Variants in SLC23A2 observed in about 807,000 individuals in gnomAD.
SLC23A2 encodes the protein Na(+)/L-ascorbic acid transporter 2.
SLC23A2 carries 36 observed loss-of-function variants against 73.3 expected under a neutral mutation model. The observed-to-expected ratio is 0.49, with a 90% CI of 0.38 to 0.65. The LOEUF is 0.65. Ranked by LOEUF, SLC23A2 falls within the 30% of genes least tolerant of loss-of-function variation. The probability of loss-of-function intolerance (pLI) is 0.00; values close to 1 mark genes in which losing one functional copy is unlikely to be tolerated. For missense variants in SLC23A2, 507 were observed against 841.6 expected (o/e 0.60, Z 4.92); for synonymous variants, 343 against 327.3 (o/e 1.05, Z -0.52).
intron 6 of SLC23A2, among the ~76,000 whole-genome samples, chr20:4,887,191 T>A (rs1163361334): frequency 1.3e-5 from 2 of 152,100 alleles, no homozygotes; most frequent in African/African-American, 4.8e-5. Context: ...AACCATCCAG[T>A]TATAATTACC....
At chr20:4,949,448 T>G (rs984867084) in intron 2 of SLC23A2, among the ~76,000 whole-genome samples, 6 of 152,188 alleles carry the variant, frequency 3.9e-5, no homozygotes, top group Admixed American at 1.3e-4. Context: ...GAAATTTTAC[T>G]CGCTGCAGAT....
At chr20:4,976,837 T>C (rs1050877677) in intron 1 of SLC23A2, among the ~76,000 whole-genome samples, 15 of 150,614 alleles carry the variant, frequency 1.0e-4, no homozygotes, top group African/African-American at 3.7e-4. Flanking sequence ...CCAGGTGTGG[T>C]GGTACACGCC....
chr20:4,886,307 CCTTT>C, intron 6 of SLC23A2, among the ~76,000 whole-genome samples: 1 of 152,308 alleles, frequency 6.6e-6, no homozygotes, highest in South Asian at 2.1e-4. Context: ...CCTCCTCCTC[CCTTT>C]AAAATTCTTA....
chr20:4,935,777 C>T (rs374760122), intron 2 of SLC23A2, among the ~76,000 whole-genome samples: 7 of 151,586 alleles, frequency 4.6e-5, no homozygotes, highest in Admixed American at 1.3e-4. Flanking sequence ...CCAGCCTGGG[C>T]GACAGAGCGA....
In SLC23A2 at chr20:4,868,072, A is replaced by AT. The variant is rs574379772; in HGVS notation, c.1251-198dup. On this transcript the variant is annotated intron_variant, in intron 12 of 16. Transcript: ENST00000338244. The surrounding 1 kb of genome is among the most constrained non-coding windows in gnomAD (Gnocchi z 4.4). ...CCTGCTGAAGCAGAAAAGAATCTGC[A>AT]TTTTTTTTTTTTTTTTTTTTTTTTT... 0.027 allele frequency among the ~76,000 whole-genome samples: 2,595 copies of AT among 94,400 alleles called. 117 individuals are homozygous for AT. Among genetic ancestry groups the AT allele is most frequent in the African/African-American group, 0.047 (972 of 20,592 alleles). The allele number at this position is 94,400 out of a possible 152,430, so 61.9% of individuals were successfully genotyped here. A position where few individuals can be genotyped will look rare whatever the true frequency, so the allele number is the denominator to read the frequency against.
At chr20:4,984,979 A>G (rs1490058483) in intron 1 of SLC23A2, among the ~76,000 whole-genome samples, 1 of 152,102 alleles carries the variant, frequency 6.6e-6, no homozygotes, top group East Asian at 1.9e-4. Flanking sequence ...CCTACTAAAA[A>G]TACAAAAATT....
chr20:4,859,985 G>C (rs1025461419), intron 15 of SLC23A2, among the ~76,000 whole-genome samples: 1 of 152,218 alleles, frequency 6.6e-6, no homozygotes. Flanking sequence ...ATAGGCACTG[G>C]TGAGGATGTG....
chr20:4,890,906 A>C (rs187536824), intron 6 of SLC23A2, among the ~76,000 whole-genome samples: 193 of 152,322 alleles, frequency 1.3e-3, no homozygotes, highest in African/African-American at 4.5e-3. Context: ...ACATTTTAAA[A>C]ACCTATGTCT....
chr20:4,928,542 ACT>A (rs1381999616), intron 3 of SLC23A2, among the ~76,000 whole-genome samples: 1 of 151,634 alleles, frequency 6.6e-6, no homozygotes, highest in African/African-American at 2.4e-5. Context: ...TCATGTTTGG[ACT>A]CTCTGCCATC....
chr20:4,859,265 G>T (rs751816704), intron 16 of SLC23A2, 24 bp downstream of exon 16: 355 of 1,128,950 alleles, frequency 3.1e-4, no homozygotes, highest in Non-Finnish European at 4.0e-4. Context: ...AAAAAAAAAA[G>T]TGTGTTTGAT....
At chr20:4,950,366 A>G (rs2087181317) in intron 2 of SLC23A2, among the ~76,000 whole-genome samples, 1 of 152,200 alleles carries the variant, frequency 6.6e-6, no homozygotes, top group Admixed American at 6.5e-5. Flanking sequence ...TCAAAGCTCA[A>G]AAAATTTCAG....
At chr20:4,917,662 TG>T in intron 3 of SLC23A2, among the ~76,000 whole-genome samples, 1 of 152,320 alleles carries the variant, frequency 6.6e-6, no homozygotes, top group African/African-American at 2.4e-5. Context: ...ACCTATGATT[TG>T]CACAGGTCCA....
At chr20:4,972,104 T>G (rs1344879682) in intron 1 of SLC23A2, among the ~76,000 whole-genome samples, 2 of 152,216 alleles carry the variant, frequency 1.3e-5, no homozygotes, top group East Asian at 3.8e-4. Context: ...CCTGACTCAG[T>G]GGCTGTCTTG....
Position 4,992,347 on chromosome 20 carries a change from T to G in SLC23A2, c.-282+9059A>C, listed in dbSNP as rs558378095. Among the ~76,000 whole-genome samples, 56 of 152,184 alleles carry G rather than the reference T, an allele frequency of 3.7e-4. 1 individual carries two copies. The South Asian group carries it at 0.011, about 30-fold the overall frequency. On this transcript the variant is annotated intron_variant, in intron 1 of 16. Transcript: ENST00000338244. ...TTAATAGTACCCAAAAAATATAAAC[T>G]AGAGGGGACAAATAATCCTTACTTC...
At chr20:4,925,014 T>C (rs1334542989) in intron 3 of SLC23A2, among the ~76,000 whole-genome samples, 1 of 149,832 alleles carries the variant, frequency 6.7e-6, no homozygotes, top group African/African-American at 2.5e-5. Flanking sequence ...ACCTTGTCTC[T>C]ACAAAAAAAA....
At chr20:4,877,908 T>C (rs113055733) in intron 9 of SLC23A2, among the ~76,000 whole-genome samples, 5 of 152,374 alleles carry the variant, frequency 3.3e-5, no homozygotes, top group African/African-American at 1.2e-4. Flanking sequence ...TGAGACTCCG[T>C]CTCTAAACTC....
chr20:4,974,997 G>T (rs2087621367), intron 1 of SLC23A2, among the ~76,000 whole-genome samples: 1 of 152,288 alleles, frequency 6.6e-6, no homozygotes, highest in East Asian at 1.9e-4. Context: ...ATGTTGACCA[G>T]GCTGGTCTTG....
intron 1 of SLC23A2, among the ~76,000 whole-genome samples, chr20:4,975,678 G>C (rs958497105): frequency 1.3e-5 from 2 of 150,902 alleles, no homozygotes; most frequent in Non-Finnish European, 3.0e-5. Context: ...ACCGTGCCCC[G>C]CCTGTTTTTT....
In SLC23A2 at chr20:4,856,346, T is replaced by A. The variant is rs1929711708; in HGVS notation, c.*626A>T. 1 of 152,260 alleles carries A rather than the reference T, an allele frequency of 6.6e-6. No individual in the cohort carries two copies. The highest frequency in any genetic ancestry group is 1.5e-5 in the Non-Finnish European group (1 of 68,102). The allele number at this position is 152,260 out of a possible 1,614,324, so 9.4% of individuals were successfully genotyped here. A position where few individuals can be genotyped will look rare whatever the true frequency, so the allele number is the denominator to read the frequency against. ...CAGGGTCCTTTCCTTTTCCCTCCAA[T>A]GCCCCAAACAGATGTTCATTCAACA... On this transcript the variant is annotated 3_prime_UTR_variant, in exon 17 of 17. Coordinates refer to ENST00000338244, the MANE Select transcript of SLC23A2 (RefSeq NM_005116.6). The surrounding 1 kb of genome is among the most constrained non-coding windows in gnomAD (Gnocchi z 4.6).
Sources: gnomAD v4.1 joint callset for allele counts (sites outside exome capture counted in the v4.1 genomes callset) on GRCh38, gnomAD v4.1.1 for gene constraint, Gnocchi (gnomAD v3.1) non-coding constraint, MANE v1.5 for transcripts, NCBI Gene and HGNC (gene_info 2026-07-23, HGNC 2026-07-21) for gene names.